PI15: variants seen among roughly 807,000 people sequenced by gnomAD.
The protein encoded by PI15 is 25 kDa trypsin inhibitor.
PI15 carries 18 observed loss-of-function variants against 31.0 expected under a neutral mutation model. That is an observed-to-expected ratio of 0.58 (90% CI 0.40 to 0.86). PI15 has a LOEUF of 0.86. Among genes scored for constraint, PI15 ranks in the 40% least tolerant of loss-of-function variants. PI15 has a pLI of 0.00. For synonymous variants in PI15, 118 were observed against 119.1 expected (o/e 0.99, Z 0.06); for missense variants, 282 against 328.1 (o/e 0.86, Z 1.09).
chr8:74,832,641 TG>T (rs1444946575), intron 2 of PI15, among the ~76,000 whole-genome samples: 53 of 152,190 alleles, frequency 3.5e-4, no homozygotes, highest in African/African-American at 1.2e-3. Context: ...TAGTATGAAG[TG>T]GGCACAGAAG....
At chr8:74,847,622 A>G (rs1171344435) in intron 5 of PI15, among the ~76,000 whole-genome samples, 2 of 152,176 alleles carry the variant, frequency 1.3e-5, no homozygotes, top group East Asian at 3.8e-4. Context: ...AATAAATTTA[A>G]TAAAGGTGGG....
chr8:74,829,161 A>G (rs998674438), intron 2 of PI15, among the ~76,000 whole-genome samples: 1 of 152,060 alleles, frequency 6.6e-6, no homozygotes, highest in East Asian at 1.9e-4. Flanking sequence ...TTTAGATGAA[A>G]TCCTTGTGAA....
chr8:74,849,276 TATA>T lies in PI15; in HGVS notation c.*26_*28del. 5.6e-6 allele frequency: 9 copies of T among 1,592,978 alleles called. No homozygotes were observed. The highest frequency in any genetic ancestry group is 7.7e-6 in the Non-Finnish European group (9 of 1,163,478). ...TAAGTTTACCTTTTCCTCCAGGAAA[TATA>T]ATGATTTCTGGGAACATGGGCATGT... On this transcript the variant is annotated 3_prime_UTR_variant, in exon 6 of 6. Coordinates refer to ENST00000260113, the MANE Select transcript of PI15 (RefSeq NM_015886.5).
At position 74,836,617 on chromosome 8, in the gene PI15, T is replaced by C. The variant is rs564683549; in HGVS notation, c.274-7364T>C. Among the ~76,000 whole-genome samples the C allele has an allele frequency of 1.3e-3, 190 of 151,762 alleles. 1 individual carries two copies. Among genetic ancestry groups the C allele is most frequent in the African/African-American group, 4.4e-3 (184 of 41,356 alleles). Reference sequence around the variant, plus strand: ...GGAACTTTCCGGCACACAGAAGTTGTGGAGATAAGGAGGAATCAGCAAAGG... The same window carrying C: ...GGAACTTTCCGGCACACAGAAGTTGCGGAGATAAGGAGGAATCAGCAAAGG... On this transcript the variant is annotated intron_variant, in intron 2 of 5. Transcript: ENST00000260113.
At chr8:74,837,116 T>C (rs1329752421) in intron 2 of PI15, among the ~76,000 whole-genome samples, 1 of 152,208 alleles carries the variant, frequency 6.6e-6, no homozygotes, top group Non-Finnish European at 1.5e-5. Context: ...ACTCATCTTA[T>C]TTAAGGAAAG....
At chr8:74,838,885 G>A (rs1185352571) in intron 2 of PI15, among the ~76,000 whole-genome samples, 1 of 152,186 alleles carries the variant, frequency 6.6e-6, no homozygotes, top group Non-Finnish European at 1.5e-5. Flanking sequence ...ATCTTCAGAT[G>A]TCAGTGTGCT....
chr8:74,827,764 A>G (rs1810720544), intron 2 of PI15, among the ~76,000 whole-genome samples: 4 of 152,202 alleles, frequency 2.6e-5, no homozygotes, highest in African/African-American at 7.2e-5. Context: ...CTGAAGTCCT[A>G]TAATATCCAT....
At chr8:74,838,938 G>C (rs533288337) in intron 2 of PI15, among the ~76,000 whole-genome samples, 1 of 152,128 alleles carries the variant, frequency 6.6e-6, no homozygotes, top group Admixed American at 6.6e-5. Flanking sequence ...CCAAAACTTA[G>C]AAAGACAGTT....
chr8:74,842,723 T>A (rs1313054407), intron 2 of PI15, among the ~76,000 whole-genome samples: 1 of 152,178 alleles, frequency 6.6e-6, no homozygotes, highest in Non-Finnish European at 1.5e-5. Flanking sequence ...CTAACTAATA[T>A]GAATGTATGT....
intron 2 of PI15, among the ~76,000 whole-genome samples, chr8:74,842,753 A>G (rs1328508562): frequency 3.9e-5 from 6 of 152,166 alleles, no homozygotes; most frequent in Admixed American, 3.3e-4. Context: ...GGCTCATTCA[A>G]ATTTTGTCCT....
rs1012277217 is a variant in PI15 at position 74,854,029 on chromosome 8, GATT to G, written c.*4780_*4782del. On this transcript the variant is annotated 3_prime_UTR_variant, in exon 6 of 6. Transcript: ENST00000260113. ...AAATAATCAATTTCATATATAAAAG[GATT>G]ATTTCTCCACCTTTAATTATTGGCC... The G allele has an allele frequency of 9.2e-5, 14 of 151,754 alleles. No homozygotes were observed. The highest frequency in any genetic ancestry group is 3.4e-4 in the African/African-American group (14 of 41,446). The allele number at this position is 151,754 out of a possible 1,614,324, so 9.4% of individuals were successfully genotyped here. A position where few individuals can be genotyped will look rare whatever the true frequency, so the allele number is the denominator to read the frequency against.
At position 74,845,462 on chromosome 8, in the gene PI15, A is replaced by G; in HGVS notation, c.606A>G (p.Arg202=). The G allele has an allele frequency of 6.2e-7, 1 of 1,613,694 alleles. No homozygotes were observed. The change falls in exon 5 of 6, where the codon CGA becomes CGG. Residue 202 remains arginine (R), a synonymous_variant. Transcript: ENST00000260113. ...QNMNVWGSVW[R]RAVYLVCNYA... ...TGAATGTTTGGGGATCTGTGTGGCG[A>G]CGTGCAGTTTACTTGGTATGCAACT...
chr8:74,840,100 A>T (rs969944519), intron 2 of PI15, among the ~76,000 whole-genome samples: 1 of 152,064 alleles, frequency 6.6e-6, no homozygotes, highest in Non-Finnish European at 1.5e-5. Context: ...AATTTTTAAA[A>T]TTTTTTATTG....
At chr8:74,827,539 C>G (rs1282527840) in intron 2 of PI15, among the ~76,000 whole-genome samples, 1 of 152,114 alleles carries the variant, frequency 6.6e-6, no homozygotes. Context: ...CTTCATTTTA[C>G]AAATGAAATC....
At chr8:74,849,082 T>C (rs1433085219) in intron 5 of PI15, 36 bp from the exon 6 acceptor site, 4 of 1,594,232 alleles carry the variant, frequency 2.5e-6, no homozygotes, top group East Asian at 4.5e-5. Context: ...AATGGGTGGG[T>C]TGCACTAATG....
rs1268515762 is a variant in PI15, at chr8:74,851,406, G to C, written c.*2153G>C. 1 of 151,924 alleles carries C rather than the reference G, an allele frequency of 6.6e-6. No homozygotes were observed. Among genetic ancestry groups the C allele is most frequent in the Non-Finnish European group, 1.5e-5 (1 of 67,922 alleles). The allele number at this position is 151,924 out of a possible 1,614,324, so 9.4% of individuals were successfully genotyped here. ...TAAGTTCCAATTTTGTTGCTGAATT[G>C]CTTCTGTGAGTTCACTTTTCAGTTC... On this transcript the variant is annotated 3_prime_UTR_variant, in exon 6 of 6. Transcript: ENST00000260113.
intron 2 of PI15, among the ~76,000 whole-genome samples, chr8:74,827,696 C>CCATGGGG (rs1414579374): frequency 2.0e-5 from 3 of 152,162 alleles, no homozygotes; most frequent in Admixed American, 1.3e-4. Context: ...AGGAAATGCC[C>CCATGGGG]CATGGCAGGA....
At position 74,845,457 on chromosome 8, in the gene PI15, T is replaced by C. The variant is rs778261302; in HGVS notation, c.601T>C (p.Trp201Arg). ...CQNMNVWGSV[W>R]RRAVYLVCNY... ...AAACATGAATGTTTGGGGATCTGTGTGGCGACGTGCAGTTTACTTGGTATG... is the reference window on the plus strand; with the variant it reads ...AAACATGAATGTTTGGGGATCTGTGCGGCGACGTGCAGTTTACTTGGTATG... Residue 201 changes from tryptophan (W) to arginine (R), a missense_variant, in exon 5 of 6, where the codon TGG becomes CGG. Physicochemically the swap from Trp to Arg is moderately radical, Grantham distance 101. Coordinates refer to ENST00000260113, the MANE Select transcript of PI15 (RefSeq NM_015886.5). The C allele has an allele frequency of 6.2e-7, 1 of 1,613,880 alleles. No homozygotes were observed. Among genetic ancestry groups the C allele is most frequent in the Non-Finnish European group, 8.5e-7 (1 of 1,179,766 alleles).
intron 2 of PI15, among the ~76,000 whole-genome samples, chr8:74,843,597 T>G (rs1433219975): frequency 6.6e-6 from 1 of 152,128 alleles, no homozygotes. Flanking sequence ...GATGTGGTAG[T>G]GCGCACCTGC....
Sources: allele counts gnomAD v4.1 joint callset (sites outside exome capture counted in the v4.1 genomes callset), GRCh38; gene constraint gnomAD v4.1.1; transcripts MANE v1.5; gene names NCBI Gene and HGNC (gene_info 2026-07-23, HGNC 2026-07-21).